Variants in FRMD3 observed in about 807,000 individuals in gnomAD.
FRMD3 encodes FERM domain-containing protein 3.
A neutral mutation model predicts 70.2 loss-of-function variants in FRMD3; 33 were observed. The observed-to-expected ratio is 0.47, with a 90% CI of 0.36 to 0.63. The LOEUF (loss-of-function observed/expected upper bound fraction) is 0.63, where lower values mean the gene tolerates loss of function less well. FRMD3 is among the 20% of genes least tolerant of loss of function. The pLI, the probability that FRMD3 is intolerant of heterozygous loss-of-function variation, is 0.00. For synonymous variants in FRMD3, 279 were observed against 255.9 expected (o/e 1.09, Z -0.86); for missense variants, 632 against 711.4 (o/e 0.89, Z 1.27).
At chr9:83,393,440 C>T (rs769363185) in intron 1 of FRMD3, among the ~76,000 whole-genome samples, 9 of 152,140 alleles carry the variant, frequency 5.9e-5, no homozygotes, top group Non-Finnish European at 1.2e-4. Context: ...ATTTTTCCAA[C>T]GACAGGGTGG....
At chr9:83,550,557 T>C in the FRMD3 span, among the ~76,000 whole-genome samples, 3 of 152,120 alleles carry the variant, frequency 2.0e-5, no homozygotes, top group African/African-American at 7.2e-5. Flanking sequence ...TTTAATGATG[T>C]TGATTTTTCC....
In FRMD3 at chr9:83,538,089, A is replaced by T; in HGVS notation, c.143T>A (p.Ile48Asn). The part of the protein sequence containing the change: ...LLDDSEISCH[I>N]QRETKGQFLI... ...CTCGCCCGGTTCCACGCGCACCTGG[A>T]TGTGGCAGGAGATCTCCGAGTCGTC... Residue 48 changes from isoleucine to asparagine, a missense_variant, in exon 1 of 14, where the codon ATC (isoleucine) becomes AAC (asparagine). This residue lies in a region of FRMD3 where 208 missense variants were observed against 247.7 expected (regional missense o/e 0.84). Coordinates refer to ENST00000304195, the MANE Select transcript of FRMD3 (RefSeq NM_174938.6). The surrounding 1 kb of genome is among the most constrained non-coding windows in gnomAD (Gnocchi z 4.7). 6.2e-7 allele frequency: 1 copy of T among 1,612,438 alleles called. No homozygotes were observed. Among genetic ancestry groups the T allele is most frequent in the Non-Finnish European group, 8.5e-7 (1 of 1,179,018 alleles).
At chr9:83,293,544 C>T (rs1411624981) in intron 12 of FRMD3, among the ~76,000 whole-genome samples, 1 of 152,174 alleles carries the variant, frequency 6.6e-6, no homozygotes, top group Non-Finnish European at 1.5e-5. Flanking sequence ...GACCTCCTTC[C>T]AACATTCTGT....
Position 83,293,304 on chromosome 9 carries a change from C to G in FRMD3, c.1071-2577G>C, listed in dbSNP as rs138831841. ...GTCATGGCCACTCATGACTATGATT[C>G]TAACTCTGCAAGGACAACATACTGT... On this transcript the variant is annotated intron_variant, in intron 12 of 13. Coordinates refer to ENST00000304195, the MANE Select transcript of FRMD3 (RefSeq NM_174938.6). Among the ~76,000 whole-genome samples, 5 of 152,268 alleles carry G rather than the reference C, an allele frequency of 3.3e-5. No individual in the cohort carries two copies. The East Asian group carries it at 9.7e-4, about 29-fold the overall frequency.
the FRMD3 span, among the ~76,000 whole-genome samples, chr9:83,564,639 C>T: frequency 2.0e-5 from 3 of 152,140 alleles, no homozygotes; most frequent in African/African-American, 7.2e-5. Flanking sequence ...TGATGTGGTC[C>T]ATGTTGAATT....
At chr9:83,550,017 C>G in the FRMD3 span, among the ~76,000 whole-genome samples, 1 of 152,138 alleles carries the variant, frequency 6.6e-6, no homozygotes, top group Non-Finnish European at 1.5e-5. Context: ...ATCATTAAAT[C>G]TTTGCCCATT....
chr9:83,243,741 G>A (rs1831956745), downstream of FRMD3, among the ~76,000 whole-genome samples: 1 of 151,106 alleles, frequency 6.6e-6, no homozygotes, highest in Non-Finnish European at 1.5e-5. Flanking sequence ...CATAGCTAAG[G>A]GCCAATTCTG....
intron 1 of FRMD3, among the ~76,000 whole-genome samples, chr9:83,450,280 C>T (rs1462863305): frequency 1.3e-5 from 2 of 151,628 alleles, no homozygotes; most frequent in South Asian, 2.1e-4. Flanking sequence ...GCCGCATGCA[C>T]ACAAGCCTCT....
intron 10 of FRMD3, among the ~76,000 whole-genome samples, chr9:83,301,045 G>A (rs960823472): frequency 1.2e-4 from 18 of 152,198 alleles, no homozygotes; most frequent in African/African-American, 4.1e-4. Flanking sequence ...GGGCAAGGGA[G>A]GGCACAGGGC....
At position 83,483,060 on chromosome 9, in the gene FRMD3, T is replaced by A. The variant is rs566194077; in HGVS notation, c.147+55025A>T. On this transcript the variant is annotated intron_variant, in intron 1 of 13. Coordinates refer to ENST00000304195, the MANE Select transcript of FRMD3 (RefSeq NM_174938.6). ...GAGTCTGATATGGTTTGGCTCTATG[T>A]CCCCACACAAATGTGATTTGAATTG... 1.5e-3 allele frequency among the ~76,000 whole-genome samples: 227 copies of A among 152,294 alleles called. 2 individuals carry two copies. Among genetic ancestry groups the A allele is most frequent in the African/African-American group, 5.3e-3 (220 of 41,570 alleles).
At chr9:83,520,678 A>G (rs1829551233) in intron 1 of FRMD3, among the ~76,000 whole-genome samples, 1 of 152,176 alleles carries the variant, frequency 6.6e-6, no homozygotes, top group Non-Finnish European at 1.5e-5. Context: ...TACCACTGCA[A>G]AAGTTCTACC....
intron 13 of FRMD3, among the ~76,000 whole-genome samples, chr9:83,270,837 A>G (rs114185697): frequency 0.01 from 1,493 of 146,520 alleles, 27 homozygotes; most frequent in African/African-American, 0.037. Flanking sequence ...TTTTCAATAC[A>G]TGGTCATTTT....
chr9:83,378,860 T>TATATATACTATATATAAATTTTATATAA (rs1825269435), intron 2 of FRMD3, among the ~76,000 whole-genome samples: 1 of 138,540 alleles, frequency 7.2e-6, no homozygotes, highest in Non-Finnish European at 1.5e-5. Flanking sequence ...TTTATATAAA[T>TATATATACTATATATAAATTTTATATAA]ATATATACAC....
intron 4 of FRMD3, among the ~76,000 whole-genome samples, chr9:83,346,352 T>C (rs1240344437): frequency 6.7e-6 from 1 of 149,892 alleles, no homozygotes; most frequent in Non-Finnish European, 1.5e-5. Context: ...CACTGGAATA[T>C]CATCCAACCA....
At chr9:83,272,158 A>C (rs1233160408) in intron 13 of FRMD3, among the ~76,000 whole-genome samples, 1 of 150,076 alleles carries the variant, frequency 6.7e-6, no homozygotes, top group African/African-American at 2.5e-5. Flanking sequence ...TGCCTAGCTG[A>C]AGCTGGACTG....
At position 83,385,943 on chromosome 9, in the gene FRMD3, G is replaced by A. The variant is rs372154176; in HGVS notation, c.252+3661C>T. ...GGTTTTAGAGGTACTAATCATGAGT[G>A]TGTTTCCTCATGTCTCACCTGGACC... On this transcript the variant is annotated intron_variant, in intron 2 of 13. Coordinates refer to ENST00000304195, the MANE Select transcript of FRMD3 (RefSeq NM_174938.6). Among the ~76,000 whole-genome samples the A allele has an allele frequency of 4.6e-5, 7 of 152,232 alleles. No homozygotes were observed. In the East Asian group the frequency reaches 5.8e-4, roughly 13 times the overall value.
At chr9:83,487,056 G>A (rs1187117119) in intron 1 of FRMD3, among the ~76,000 whole-genome samples, 1 of 152,176 alleles carries the variant, frequency 6.6e-6, no homozygotes, top group Non-Finnish European at 1.5e-5. Flanking sequence ...CTGCTTGTAT[G>A]GCAAATAGCA....
rs568970922 is a variant in FRMD3 at position 83,267,740 on chromosome 9, CTT to C, written c.1196-19226_1196-19225del. ...AAAATTTATTAATAATTAATCAACT[CTT>C]TTATTAATAAAGAGTTTGCATTCTT... On this transcript the variant is annotated intron_variant, in intron 13 of 13. Transcript: ENST00000304195. Among the ~76,000 whole-genome samples the C allele has an allele frequency of 6.2e-3, 937 of 152,242 alleles. 4 individuals are homozygous for C. The highest frequency in any genetic ancestry group is 0.02 in the African/African-American group (831 of 41,538).
intron 1 of FRMD3, among the ~76,000 whole-genome samples, chr9:83,463,983 T>C (rs4877776): frequency 0.38 from 57,879 of 151,738 alleles, 11,498 homozygotes; most frequent in Middle Eastern, 0.48. Flanking sequence ...CTGCCATCCC[T>C]CTTGTTTCAG....
Sources: allele counts gnomAD v4.1 joint callset (sites outside exome capture counted in the v4.1 genomes callset), GRCh38; gene constraint gnomAD v4.1.1; regional missense constraint gnomAD v4.1.1; non-coding constraint Gnocchi (gnomAD v3.1); transcripts MANE v1.5; gene names NCBI Gene and HGNC (gene_info 2026-07-23, HGNC 2026-07-21).